The following DYM variants were observed in gnomAD, a reference collection of about 807,000 sequenced individuals.
DYM encodes the protein dyggve-Melchior-Clausen syndrome protein.
DYM carries 78 observed loss-of-function variants against 93.1 expected under a neutral mutation model. The ratio of observed to expected loss-of-function variants is 0.84; its 90% confidence interval spans 0.70 to 1.01. The LOEUF (loss-of-function observed/expected upper bound fraction) is 1.01. Among genes scored for constraint, DYM ranks in the 50% least tolerant of loss-of-function variants. The pLI is 0.00. For synonymous variants in DYM, 321 were observed against 319.7 expected (o/e 1.00, Z -0.04); for missense variants, 789 against 845.0 (o/e 0.93, Z 0.82).
chr18:49,085,226 G>C (rs1829291216), intron 17 of DYM, among the ~76,000 whole-genome samples: 1 of 152,128 alleles, frequency 6.6e-6, no homozygotes, highest in Admixed American at 6.5e-5. Context: ...TGTGAGACTA[G>C]TGAGCAACAA....
intron 1 of DYM, among the ~76,000 whole-genome samples, chr18:49,449,214 T>C (rs1033420594): frequency 3.9e-5 from 6 of 152,210 alleles, no homozygotes; most frequent in African/African-American, 1.4e-4. Flanking sequence ...TATAGAAGCT[T>C]TCCAAAATTT....
Position 49,143,896 on chromosome 18 carries a change from A to G in DYM, c.1728+19789T>C, listed in dbSNP as rs571956448. Among the ~76,000 whole-genome samples the G allele has an allele frequency of 1.4e-4, 22 of 152,272 alleles. No homozygotes were observed. In the East Asian group the frequency reaches 3.9e-3, roughly 27 times the overall value. On this transcript the variant is annotated intron_variant, in intron 15 of 17. Transcript: ENST00000675505. ...TTCCTCTTCTCCAGGGTTATTCTGA[A>G]GCAAAGTCCAAACAAATCTTTCAAC...
intron 14 of DYM, chr18:49,206,662 G>A (rs1283023493): frequency 1.3e-5 from 2 of 152,806 alleles, no homozygotes; most frequent in Non-Finnish European, 1.5e-5. Flanking sequence ...GGCAAGGAGT[G>A]AAAGTTGGTT....
chr18:49,146,246 T>A (rs1461599029), intron 15 of DYM, among the ~76,000 whole-genome samples: 2 of 152,186 alleles, frequency 1.3e-5, no homozygotes, highest in Non-Finnish European at 2.9e-5. Flanking sequence ...TCATACTGAA[T>A]GGGCAAAAAC....
At chr18:49,305,497 C>G (rs187378135) in intron 8 of DYM, among the ~76,000 whole-genome samples, 24 of 152,288 alleles carry the variant, frequency 1.6e-4, no homozygotes, top group Admixed American at 3.9e-4. Context: ...CAGAATCTAT[C>G]AGAAGAGAAC....
intron 13 of DYM, among the ~76,000 whole-genome samples, chr18:49,248,885 C>A (rs2094225406): frequency 6.6e-6 from 1 of 152,148 alleles, no homozygotes; most frequent in African/African-American, 2.4e-5. Flanking sequence ...ACATCCATAC[C>A]TGTCTCAAAC....
At chr18:49,233,446 T>C (rs1447577164) in intron 13 of DYM, among the ~76,000 whole-genome samples, 2 of 152,140 alleles carry the variant, frequency 1.3e-5, no homozygotes, top group African/African-American at 4.8e-5. Context: ...AAATAGCTTC[T>C]AGATGCTCTT....
chr18:49,315,921 A>G (rs985593748), intron 8 of DYM, among the ~76,000 whole-genome samples: 1 of 152,174 alleles, frequency 6.6e-6, no homozygotes, highest in Non-Finnish European at 1.5e-5. Flanking sequence ...TAGAAATATA[A>G]TGGAAGTGCC....
At chr18:49,393,818 T>C (rs556737432) in intron 2 of DYM, 1 of 152,020 alleles carries the variant, frequency 6.6e-6, no homozygotes, top group East Asian at 1.9e-4. Flanking sequence ...AAATAGGGAA[T>C]TTCAATATAT....
chr18:49,444,198 C>T (rs1208794695), intron 1 of DYM, among the ~76,000 whole-genome samples: 3 of 152,122 alleles, frequency 2.0e-5, no homozygotes, highest in African/African-American at 7.2e-5. Context: ...GTTATTGAAC[C>T]GTAATGTCAC....
intron 8 of DYM, among the ~76,000 whole-genome samples, chr18:49,330,582 A>G (rs1160369597): frequency 6.6e-6 from 1 of 152,212 alleles, no homozygotes; most frequent in Non-Finnish European, 1.5e-5. Flanking sequence ...AAAACTGCCA[A>G]GTATTGCCAT....
chr18:49,195,877 T>C (rs2091389955), intron 14 of DYM, among the ~76,000 whole-genome samples: 1 of 149,206 alleles, frequency 6.7e-6, no homozygotes, highest in Non-Finnish European at 1.5e-5. Context: ...TACAACCAAA[T>C]ACTTCATTAT....
intron 17 of DYM, among the ~76,000 whole-genome samples, chr18:49,080,396 C>G (rs1239694148): frequency 6.7e-5 from 9 of 134,018 alleles, no homozygotes; most frequent in Non-Finnish European, 9.8e-5. Context: ...CTGAGCCCCC[C>G]ACCTCCCTCC....
chr18:49,076,058 A>C (rs2077276906), intron 17 of DYM, among the ~76,000 whole-genome samples: 1 of 152,230 alleles, frequency 6.6e-6, no homozygotes, highest in African/African-American at 2.4e-5. Flanking sequence ...GTATAACAAC[A>C]TTAAAGTAAA....
chr18:49,286,576 G>T lies in DYM; in HGVS notation c.804C>A (p.Ser268Arg). 2.5e-6 allele frequency: 4 copies of T among 1,614,056 alleles called. No homozygotes were observed. The highest frequency in any genetic ancestry group is 3.4e-6 in the Non-Finnish European group (4 of 1,179,990). ...AAAGCTCTGGAGAGGCAGCCGCTTTGCTGCCCACACCACCTAGTGTGAAGA... is the reference window on the plus strand; with the variant it reads ...AAAGCTCTGGAGAGGCAGCCGCTTTTCTGCCCACACCACCTAGTGTGAAGA... ...WTVFTLGGVG[S>R]KAAASPELSS... The change falls in exon 9 of 18, where the codon AGC (serine) becomes AGA (arginine). Residue 268 changes from serine (S) to arginine (R), a missense_variant. Ser to Arg is a moderately radical substitution (Grantham distance 110). Around this residue, in one of 3 missense-constraint regions of DYM, gnomAD observed 450 missense variants for 436.2 expected, o/e 1.03. Transcript: ENST00000675505.
chr18:49,253,709 T>C (rs2094335563), intron 13 of DYM, among the ~76,000 whole-genome samples: 1 of 152,162 alleles, frequency 6.6e-6, no homozygotes, highest in African/African-American at 2.4e-5. Flanking sequence ...TGGGTAGAAC[T>C]ACACTTCCCT....
intron 15 of DYM, among the ~76,000 whole-genome samples, chr18:49,147,996 T>C (rs2085354117): frequency 6.6e-6 from 1 of 152,182 alleles, no homozygotes; most frequent in Non-Finnish European, 1.5e-5. Flanking sequence ...ATATACACCA[T>C]GGAATACTCT....
At position 49,041,103 on chromosome 18, in the gene DYM, G is replaced by A. The variant is rs966170241; in HGVS notation, c.*2952C>T. 1.3e-5 allele frequency among the ~76,000 whole-genome samples: 2 copies of A among 152,100 alleles called. No individual in the cohort carries two copies. The highest frequency in any genetic ancestry group is 2.9e-5 in the Non-Finnish European group (2 of 68,026). On this transcript the variant is annotated 3_prime_UTR_variant, in exon 18 of 18. Coordinates refer to ENST00000675505, the MANE Select transcript of DYM (RefSeq NM_001353214.3). ...CTTTCCTTTCTCTGTCTTTGTCCTT[G>A]AGCTGTGTTGTCTGCACTGCTGAAT... is the stretch of plus-strand genomic sequence containing the variant.
In DYM at chr18:49,445,031, T is replaced by C. The variant is rs529344585; in HGVS notation, c.-53-14584A>G. Among the ~76,000 whole-genome samples, 4 of 152,336 alleles carry C rather than the reference T, an allele frequency of 2.6e-5. No individual in the cohort carries two copies. The South Asian group carries it at 6.2e-4, about 24-fold the overall frequency. ...CCCCTCTCCTCCAAAAAAACATTCATTCTTCTCATTAGCAAACCTTTATTG... is the reference window on the plus strand; with the variant it reads ...CCCCTCTCCTCCAAAAAAACATTCACTCTTCTCATTAGCAAACCTTTATTG... On this transcript the variant is annotated intron_variant, in intron 1 of 17. Transcript: ENST00000675505.
Sources: allele counts gnomAD v4.1 joint callset (sites outside exome capture counted in the v4.1 genomes callset), GRCh38; gene constraint gnomAD v4.1.1; regional missense constraint gnomAD v4.1.1; transcripts MANE v1.5; gene names NCBI Gene and HGNC (gene_info 2026-07-23, HGNC 2026-07-21).